BRINP1: variants seen among roughly 807,000 people sequenced by gnomAD.
BRINP1 encodes BMP/retinoic acid inducible neural specific 1.
BRINP1 carries 17 observed loss-of-function variants against 72.9 expected under a neutral mutation model. The ratio of observed to expected loss-of-function variants is 0.23; its 90% CI spans 0.16 to 0.35. The LOEUF is 0.35. Among genes scored for constraint, BRINP1 ranks in the 10% least tolerant of loss-of-function variants. The probability of loss-of-function intolerance (pLI) is 1.00; values close to 1 mark genes in which losing one functional copy is unlikely to be tolerated. For missense variants in BRINP1, 850 were observed against 1,001.6 expected (o/e 0.85, Z 2.04); for synonymous variants, 418 against 378.5 (o/e 1.10, Z -1.21).
intron 1 of BRINP1, among the ~76,000 whole-genome samples, chr9:119,355,823 T>A (rs1189697291): frequency 6.6e-6 from 1 of 152,184 alleles, no homozygotes; most frequent in Non-Finnish European, 1.5e-5. Context: ...CACAGAGGAT[T>A]CCATTCTATG....
chr9:119,238,358 C>A (rs1830211915), intron 5 of BRINP1, among the ~76,000 whole-genome samples: 1 of 152,062 alleles, frequency 6.6e-6, no homozygotes, highest in South Asian at 2.1e-4. Context: ...CATATACAGA[C>A]ACCAAAGAAA....
chr9:119,191,429 A>G (rs1829682541), intron 7 of BRINP1, among the ~76,000 whole-genome samples: 1 of 151,922 alleles, frequency 6.6e-6, no homozygotes, highest in Non-Finnish European at 1.5e-5. Context: ...AAATGCATTA[A>G]ATAAAGTTGA....
chr9:119,263,888 G>A (rs375242662), intron 2 of BRINP1, among the ~76,000 whole-genome samples: 169 of 152,258 alleles, frequency 1.1e-3, no homozygotes, highest in African/African-American at 3.9e-3. Context: ...GATTACAGGC[G>A]TGAGCCACAG....
In BRINP1 at chr9:119,167,583, T is replaced by TA; in HGVS notation, c.1786_1787insT (p.Gln596LeufsTer26). 1 of 1,614,182 alleles carries TA rather than the reference T, an allele frequency of 6.2e-7. No homozygotes were observed. The highest frequency in any genetic ancestry group is 8.5e-7 in the Non-Finnish European group (1 of 1,180,038). Reference sequence around the variant, plus strand: ...CAGCAAAAGAGTCCAGTTGTAGCACTGGCTGTTTTGGAGACGGATCTTCTC... The same window carrying TA: ...CAGCAAAAGAGTCCAGTTGTAGCACTAGGCTGTTTTGGAGACGGATCTTCTC... On this transcript the variant is annotated frameshift_variant, in exon 8 of 8. Coordinates refer to ENST00000265922, the MANE Select transcript of BRINP1 (RefSeq NM_014618.3). LOFTEE classifies it high-confidence loss of function. This position sits in a 1 kb window ranked among gnomAD's most constrained non-coding sequence, Gnocchi z 4.3.
chr9:119,311,892 A>G (rs1156955177), intron 2 of BRINP1, among the ~76,000 whole-genome samples: 1 of 152,236 alleles, frequency 6.6e-6, no homozygotes, highest in Non-Finnish European at 1.5e-5. Context: ...GGTCAGGTAA[A>G]TCAGTGTGTA....
intron 1 of BRINP1, among the ~76,000 whole-genome samples, chr9:119,345,435 C>G (rs374267592): frequency 1.3e-5 from 2 of 152,278 alleles, no homozygotes. Flanking sequence ...ATTGATCTCA[C>G]TAATTCCTCA....
intron 1 of BRINP1, among the ~76,000 whole-genome samples, chr9:119,334,725 T>G (rs1831331532): frequency 6.8e-6 from 1 of 147,592 alleles, no homozygotes; most frequent in Admixed American, 7.0e-5. Flanking sequence ...GTACTTGTCT[T>G]GGACTATAAT....
At chr9:119,301,643 C>T (rs373771559) in intron 2 of BRINP1, among the ~76,000 whole-genome samples, 8 of 152,124 alleles carry the variant, frequency 5.3e-5, no homozygotes, top group African/African-American at 1.7e-4. Flanking sequence ...GGTAAAATGG[C>T]ATAGAACTAT....
chr9:119,304,431 G>A (rs763134671), intron 2 of BRINP1, among the ~76,000 whole-genome samples: 4 of 152,144 alleles, frequency 2.6e-5, no homozygotes, highest in Admixed American at 6.5e-5. Flanking sequence ...CCATCAAGGT[G>A]AGCGGGGAAG....
At chr9:119,350,904 T>A (rs1831501496) in intron 1 of BRINP1, among the ~76,000 whole-genome samples, 1 of 145,378 alleles carries the variant, frequency 6.9e-6, no homozygotes, top group African/African-American at 2.5e-5. Flanking sequence ...ATTTATGTCT[T>A]TTTTTTTTTT....
intron 2 of BRINP1, among the ~76,000 whole-genome samples, chr9:119,293,628 AG>A (rs1197723110): frequency 1.3e-5 from 2 of 152,212 alleles, no homozygotes; most frequent in African/African-American, 4.8e-5. Context: ...ATTCACTCAA[AG>A]CCTTTGCTAC....
chr9:119,349,686 T>C (rs1831486371), intron 1 of BRINP1, among the ~76,000 whole-genome samples: 1 of 152,116 alleles, frequency 6.6e-6, no homozygotes, highest in Admixed American at 6.5e-5. Context: ...ATGTGGAATG[T>C]TTTTGTGCTT....
In BRINP1 at chr9:119,351,675, G is replaced by A. The variant is rs907206605; in HGVS notation, c.-51+17381C>T. On this transcript the variant is annotated intron_variant, in intron 1 of 7. Transcript: ENST00000265922. ...GAAGCTTACAGTCCTAGGAAAGACC[G>A]ATGTTTAGGGGCTTATTTTCTGACA... Among the ~76,000 whole-genome samples, 10 of 152,292 alleles carry A rather than the reference G, an allele frequency of 6.6e-5. No homozygotes were observed. The South Asian group carries it at 1.0e-3, about 16-fold the overall frequency.
rs146520703 is a variant in BRINP1, at chr9:119,182,562, T to G, written c.1146-14338A>C. On this transcript the variant is annotated intron_variant, in intron 7 of 7. Transcript: ENST00000265922. ...TAGGTCATGAAAGTGGAGCTCTCACTAGTGGAATTAGTGTTCTCATAAATG... is the reference window on the plus strand; with the variant it reads ...TAGGTCATGAAAGTGGAGCTCTCACGAGTGGAATTAGTGTTCTCATAAATG... Among the ~76,000 whole-genome samples, 573 of 152,320 alleles carry G rather than the reference T, an allele frequency of 3.8e-3. 5 individuals are homozygous for G. The highest frequency in any genetic ancestry group is 0.013 in the African/African-American group (521 of 41,568).
chr9:119,240,957 A>G (rs573680382), intron 4 of BRINP1, among the ~76,000 whole-genome samples: 130 of 152,350 alleles, frequency 8.5e-4, no homozygotes, highest in African/African-American at 3.0e-3. Flanking sequence ...AACATTTGAG[A>G]TGGAAACATC....
intron 1 of BRINP1, among the ~76,000 whole-genome samples, chr9:119,354,695 T>TA (rs11320964): frequency 2.8e-4 from 42 of 147,896 alleles, no homozygotes; most frequent in East Asian, 2.2e-3. Context: ...ACCCCGTCTC[T>TA]AAAAAAAAAA....
rs138151915 is a variant in BRINP1, at chr9:119,366,106, C to G, written c.-51+2950G>C. On this transcript the variant is annotated intron_variant, in intron 1 of 7. Transcript: ENST00000265922. ...GGGAGATGCTTTATATGGGAGAACA[C>G]AATTTGGTGTGGAGGTTCTCTTTTT... 2.6e-5 allele frequency among the ~76,000 whole-genome samples: 4 copies of G among 152,060 alleles called. No individual in the cohort carries two copies. The East Asian group carries it at 7.8e-4, about 30-fold the overall frequency.
rs770635000 is a variant in BRINP1 at position 119,167,744 on chromosome 9, G to A, written c.1626C>T (p.Ile542=). ...KNRMDFIHMV[I]GMSMRICQMR... ...TCTGGCAGATGCGCATGGACATGCC[G>A]ATCACCATGTGGATGAAGTCCATGC... The change falls in exon 8 of 8, where the codon ATC becomes ATT. Residue 542 remains isoleucine, a synonymous_variant. Coordinates refer to ENST00000265922, the MANE Select transcript of BRINP1 (RefSeq NM_014618.3). This position sits in a 1 kb window ranked among gnomAD's most constrained non-coding sequence, Gnocchi z 4.3. 9.9e-6 allele frequency: 16 copies of A among 1,614,142 alleles called. No homozygotes were observed. Among genetic ancestry groups the A allele is most frequent in the African/African-American group, 4.0e-5 (3 of 75,038 alleles).
intron 1 of BRINP1, among the ~76,000 whole-genome samples, chr9:119,315,381 G>T (rs756044726): frequency 2.0e-5 from 3 of 151,814 alleles, no homozygotes; most frequent in Admixed American, 6.6e-5. Context: ...AGCAAACTTT[G>T]ATGTTATTAT....
Sources: allele counts gnomAD v4.1 joint callset (sites outside exome capture counted in the v4.1 genomes callset), GRCh38; gene constraint gnomAD v4.1.1; non-coding constraint Gnocchi (gnomAD v3.1); transcripts MANE v1.5; gene names NCBI Gene and HGNC (gene_info 2026-07-23, HGNC 2026-07-21).